ZNF487: variants seen among roughly 807,000 people sequenced by gnomAD.
ZNF487 encodes zinc finger protein 487, also known as KRAB domain only 1.
ZNF487 carries 4 observed loss-of-function variants against 3.0 expected under a neutral mutation model. The ratio of observed to expected loss-of-function variants is 1.35; its 90% CI spans 0.66 to 3.08. The LOEUF is 3.08. Ranked by LOEUF, ZNF487 falls within the 30% of genes most tolerant of loss-of-function variation. The pLI is 0.01. For missense variants in ZNF487, 146 were observed against 98.7 expected, an observed-to-expected ratio of 1.48 and a Z score of -2.03; for synonymous variants, 55 against 34.6, an observed-to-expected ratio of 1.59 and a Z score of -2.06.
chr10:43,453,133 A>T (rs1305725902), intron 1 of ZNF487: 1 of 152,106 alleles, frequency 6.6e-6, no homozygotes, highest in Non-Finnish European at 1.5e-5. Flanking sequence ...GCAATGGTCA[A>T]AGTTAGATTC....
At chr10:43,442,415 CT>C (rs548167195) in intron 1 of ZNF487, among the ~76,000 whole-genome samples, 19 of 152,066 alleles carry the variant, frequency 1.2e-4, no homozygotes, top group African/African-American at 4.1e-4. Context: ...TCTTCATTTG[CT>C]TAGATTTTCC....
At chr10:43,486,578 C>T (rs1209085244), downstream of ZNF487, among the ~76,000 whole-genome samples, 1 of 151,182 alleles carries the variant, frequency 6.6e-6, no homozygotes, top group Non-Finnish European at 1.5e-5. Flanking sequence ...AAGAAATGGG[C>T]AAAATATTTT....
At chr10:43,511,562 G>A in the ZNF487 span, among the ~76,000 whole-genome samples, 1 of 152,166 alleles carries the variant, frequency 6.6e-6, no homozygotes, top group Non-Finnish European at 1.5e-5. Flanking sequence ...GATCACCCGA[G>A]GAATGGTGCC....
the ZNF487 span, among the ~76,000 whole-genome samples, chr10:43,510,834 C>T: frequency 6.6e-6 from 1 of 152,226 alleles, no homozygotes; most frequent in African/African-American, 2.4e-5. Context: ...GCGTGAGCCA[C>T]CGTGCCCGGC....
chr10:43,507,732 G>C, the ZNF487 span, among the ~76,000 whole-genome samples: 1 of 152,188 alleles, frequency 6.6e-6, no homozygotes, highest in Non-Finnish European at 1.5e-5. Flanking sequence ...TGACCTTCCT[G>C]GATGTGGATC....
chr10:43,493,060 G>A, the ZNF487 span, among the ~76,000 whole-genome samples: 48 of 151,898 alleles, frequency 3.2e-4, 1 homozygote, highest in Admixed American at 6.6e-5. Flanking sequence ...GAGAAACCCC[G>A]TCTCTACCAA....
chr10:43,500,693 G>A, the ZNF487 span, among the ~76,000 whole-genome samples: 9 of 150,052 alleles, frequency 6.0e-5, no homozygotes, highest in Non-Finnish European at 1.0e-4. Context: ...GTATTTTTGT[G>A]GAGATGGGGT....
chr10:43,449,234 G>A (rs186782598), intron 1 of ZNF487, among the ~76,000 whole-genome samples: 265 of 152,242 alleles, frequency 1.7e-3, no homozygotes, highest in African/African-American at 6.1e-3. Context: ...GGGAGGCGAA[G>A]GTTGCAGTGA....
At chr10:43,439,372 C>T (rs1181622547) in intron 1 of ZNF487, among the ~76,000 whole-genome samples, 1 of 151,944 alleles carries the variant, frequency 6.6e-6, no homozygotes, top group Non-Finnish European at 1.5e-5. Flanking sequence ...TGTACTCCAC[C>T]CTGAGTGACA....
At chr10:43,498,619 A>C in the ZNF487 span, among the ~76,000 whole-genome samples, 1 of 151,628 alleles carries the variant, frequency 6.6e-6, no homozygotes, top group Non-Finnish European at 1.5e-5. Flanking sequence ...AATGGGATGC[A>C]ATAGTGCTGA....
chr10:43,493,716 AT>A, the ZNF487 span, among the ~76,000 whole-genome samples: 1 of 16,838 alleles, frequency 5.9e-5, no homozygotes, highest in Non-Finnish European at 1.6e-4. Context: ...AAAAATATAT[AT>A]ATATATATAT....
intron 1 of ZNF487, among the ~76,000 whole-genome samples, chr10:43,442,268 CAAA>C (rs1215789961): frequency 3.7e-5 from 5 of 133,746 alleles, no homozygotes; most frequent in South Asian, 4.8e-4. Flanking sequence ...ACAACAACAA[CAAA>C]AAAAAAACAA....
At chr10:43,457,199 T>C (rs918858564) in intron 1 of ZNF487, among the ~76,000 whole-genome samples, 3 of 151,644 alleles carry the variant, frequency 2.0e-5, no homozygotes, top group African/African-American at 4.9e-5. Flanking sequence ...TGAGCCGAGA[T>C]AGAGCCACTG....
At chr10:43,447,263 G>A (rs1473956838) in intron 1 of ZNF487, among the ~76,000 whole-genome samples, 10 of 48,332 alleles carry the variant, frequency 2.1e-4, no homozygotes, top group Non-Finnish European at 3.7e-4. Flanking sequence ...TTTTTTTTGA[G>A]ACAGAGTCTC....
At chr10:43,459,993 A>G (rs1194673443) in intron 1 of ZNF487, among the ~76,000 whole-genome samples, 2 of 151,598 alleles carry the variant, frequency 1.3e-5, no homozygotes, top group Non-Finnish European at 2.9e-5. Flanking sequence ...AGTTAGAGAC[A>G]GGGTTTCACC....
intron 1 of ZNF487, among the ~76,000 whole-genome samples, chr10:43,440,056 T>G (rs372757316): frequency 6.7e-6 from 1 of 149,530 alleles, no homozygotes; most frequent in Non-Finnish European, 1.5e-5. Flanking sequence ...ATATATATAT[T>G]TTTTTTTTTG....
intron 1 of ZNF487, among the ~76,000 whole-genome samples, chr10:43,455,281 G>T (rs1840143767): frequency 6.6e-6 from 1 of 152,134 alleles, no homozygotes; most frequent in South Asian, 2.1e-4. Context: ...AAAGTGCTGG[G>T]TTTACAGGCG....
At chr10:43,514,406 G>T in the ZNF487 span, among the ~76,000 whole-genome samples, 3 of 152,200 alleles carry the variant, frequency 2.0e-5, no homozygotes, top group African/African-American at 4.8e-5. Context: ...CTCCCAAAGT[G>T]CTGGGATTAT....
At chr10:43,439,770 C>T (rs986462581) in intron 1 of ZNF487, among the ~76,000 whole-genome samples, 1 of 151,938 alleles carries the variant, frequency 6.6e-6, no homozygotes, top group South Asian at 2.1e-4. Context: ...TGAATGTTGA[C>T]GATATTATGT....
Sources: gnomAD v4.1 joint callset for allele counts (sites outside exome capture counted in the v4.1 genomes callset) on GRCh38, gnomAD v4.1.1 for gene constraint, MANE v1.5 for transcripts, NCBI Gene and HGNC (gene_info 2026-07-23, HGNC 2026-07-21) for gene names.